The following MYLK4 variants were observed in gnomAD, a reference collection of about 807,000 sequenced individuals.
The protein encoded by MYLK4 is caMLCK like.
In MYLK4, 46 loss-of-function variants were observed where a neutral mutation model predicts 48.1. The ratio of observed to expected loss-of-function variants is 0.96; its 90% CI spans 0.75 to 1.22. The LOEUF (loss-of-function observed/expected upper bound fraction) is 1.22. MYLK4 is among the 50% of genes most tolerant of loss of function. The pLI is 0.00. For synonymous variants in MYLK4, 170 were observed against 180.8 expected (o/e 0.94, Z 0.48); for missense variants, 451 against 486.1 (o/e 0.93, Z 0.68).
the MYLK4 span, among the ~76,000 whole-genome samples, chr6:2,757,941 C>A: frequency 6.6e-6 from 1 of 152,224 alleles, no homozygotes; most frequent in East Asian, 1.9e-4. Context: ...AGTTCAAGCT[C>A]TACTAGCTGT....
intron 2 of MYLK4, among the ~76,000 whole-genome samples, chr6:2,702,183 T>G (rs1582068403): frequency 6.6e-6 from 1 of 152,196 alleles, no homozygotes; most frequent in Non-Finnish European, 1.5e-5. Flanking sequence ...AGGTATCATG[T>G]GCCTGGAACT....
In MYLK4 at chr6:2,679,311, T is replaced by C; in HGVS notation, c.856A>G (p.Met286Val). The C allele has an allele frequency of 1.2e-6, 2 of 1,614,104 alleles. No homozygotes were observed. Among genetic ancestry groups the C allele is most frequent in the Non-Finnish European group, 8.5e-7 (1 of 1,179,974 alleles). The change falls in exon 9 of 13, where the codon ATG becomes GTG. Residue 286 changes from methionine to valine, a missense_variant. Physicochemically the swap from Met to Val is conservative, Grantham distance 21. Coordinates refer to ENST00000274643, the MANE Select transcript of MYLK4 (RefSeq NM_001012418.5). ...NYDFVSFPTDMWSVGVIAYML... is the reference protein window; with the variant it reads ...NYDFVSFPTDVWSVGVIAYML... ...TAGGCGATGACCCCCACACTCCACATGTCAGTGGGAAATGAAACAAAATCA... is the reference window on the plus strand; with the variant it reads ...TAGGCGATGACCCCCACACTCCACACGTCAGTGGGAAATGAAACAAAATCA...
intron 12 of MYLK4, 25 bp downstream of exon 12, chr6:2,671,251 C>A (rs1012746985): frequency 1.3e-6 from 2 of 1,508,412 alleles, no homozygotes; most frequent in African/African-American, 2.7e-5. Flanking sequence ...TTCACAGACA[C>A]CTCTTCAGGA....
the MYLK4 span, among the ~76,000 whole-genome samples, chr6:2,766,816 T>C: frequency 6.7e-6 from 1 of 150,110 alleles, no homozygotes; most frequent in Non-Finnish European, 1.5e-5. Context: ...CATGTTTAAA[T>C]TGTAAAGAAA....
chr6:2,765,772 C>T, the MYLK4 span: 2 of 1,461,706 alleles, frequency 1.4e-6, no homozygotes, highest in Non-Finnish European at 9.0e-7. Context: ...ACGCGGAGCC[C>T]GCGGCCGGGT....
intron 8 of MYLK4, 27 bp downstream of exon 8, chr6:2,680,194 C>A (rs371292621): frequency 6.2e-7 from 1 of 1,612,670 alleles, no homozygotes; most frequent in Non-Finnish European, 8.5e-7. Context: ...CAGCTCCATT[C>A]GTACACCTAT....
chr6:2,741,216 C>G (rs1441208775), intron 2 of MYLK4, among the ~76,000 whole-genome samples: 1 of 151,742 alleles, frequency 6.6e-6, no homozygotes, highest in Non-Finnish European at 1.5e-5. Flanking sequence ...CTTTTATAAC[C>G]ATTATGTTTT....
chr6:2,678,070 T>G (rs1043758869), intron 10 of MYLK4, 150 bp downstream of exon 10: 1 of 935,514 alleles, frequency 1.1e-6, no homozygotes, highest in Non-Finnish European at 1.6e-6. Flanking sequence ...CTCAGTAGAC[T>G]GGGTCAAGAG....
At chr6:2,765,187 CCCCCCCG>C in the MYLK4 span, among the ~76,000 whole-genome samples, 7 of 103,256 alleles carry the variant, frequency 6.8e-5, no homozygotes, top group Middle Eastern at 9.1e-3. Context: ...TCGCAACCCC[CCCCCCCG>C]CCCCTCCCCC....
At chr6:2,753,746 A>G (rs1483494021), upstream of MYLK4, among the ~76,000 whole-genome samples, 1 of 152,206 alleles carries the variant, frequency 6.6e-6, no homozygotes, top group African/African-American at 2.4e-5. Context: ...AAGAAGATAT[A>G]AAAATGGTTA....
intron 2 of MYLK4, among the ~76,000 whole-genome samples, chr6:2,707,869 T>A (rs1427746443): frequency 3.3e-5 from 5 of 152,186 alleles, no homozygotes; most frequent in Non-Finnish European, 7.4e-5. Context: ...ATTAAGTAAC[T>A]AAGACTAGTT....
At chr6:2,734,509 T>A (rs1031769724) in intron 2 of MYLK4, among the ~76,000 whole-genome samples, 1 of 152,188 alleles carries the variant, frequency 6.6e-6, no homozygotes, top group Admixed American at 6.5e-5. Flanking sequence ...AAAGGACTAT[T>A]ATTAGAAATA....
In MYLK4 at chr6:2,672,860, C is replaced by A. The variant is rs1202785882; in HGVS notation, c.1120-1512G>T. Reference sequence around the variant, plus strand: ...TCAGCCCTGTCCTGAGTGTTCTCAGCTACAGACACTAATGTGCCCATTTTG... The same window carrying A: ...TCAGCCCTGTCCTGAGTGTTCTCAGATACAGACACTAATGTGCCCATTTTG... On this transcript the variant is annotated intron_variant, in intron 11 of 12. Transcript: ENST00000274643. This position sits in a 1 kb window ranked among gnomAD's most constrained non-coding sequence, Gnocchi z 4.3. Among the ~76,000 whole-genome samples the A allele has an allele frequency of 6.6e-6, 1 of 152,192 alleles. No homozygotes were observed. Among genetic ancestry groups the A allele is most frequent in the African/African-American group, 2.4e-5 (1 of 41,424 alleles).
intron 2 of MYLK4, among the ~76,000 whole-genome samples, chr6:2,720,896 C>T (rs897585596): frequency 1.3e-5 from 2 of 152,136 alleles, no homozygotes; most frequent in African/African-American, 4.8e-5. Context: ...GGCGTGGTGG[C>T]TCACACCTAT....
chr6:2,753,603 G>A (rs1764349968), upstream of MYLK4, among the ~76,000 whole-genome samples: 1 of 152,124 alleles, frequency 6.6e-6, no homozygotes, highest in Non-Finnish European at 1.5e-5. Context: ...GAAAAGACCA[G>A]CTACAGATGT....
intron 2 of MYLK4, among the ~76,000 whole-genome samples, chr6:2,747,559 C>T (rs1037136206): frequency 1.3e-5 from 2 of 152,060 alleles, no homozygotes; most frequent in Non-Finnish European, 2.9e-5. Flanking sequence ...CTCACCATGT[C>T]ACCTGGGCTG....
the MYLK4 span, chr6:2,765,393 A>G: frequency 2.6e-6 from 1 of 383,250 alleles, no homozygotes; most frequent in Non-Finnish European, 4.2e-6. Flanking sequence ...GCCACGAACT[A>G]CACTTCCCGA....
At chr6:2,682,550 C>T (rs1761350922) in intron 7 of MYLK4, among the ~76,000 whole-genome samples, 1 of 152,234 alleles carries the variant, frequency 6.6e-6, no homozygotes, top group African/African-American at 2.4e-5. Context: ...GATTCTATTC[C>T]ACAGGGCAGC....
chr6:2,723,507 G>A (rs951294481), intron 2 of MYLK4, among the ~76,000 whole-genome samples: 2 of 152,218 alleles, frequency 1.3e-5, no homozygotes, highest in African/African-American at 2.4e-5. Flanking sequence ...AACTGCTGAC[G>A]TCCCTCACAC....
Sources: allele counts gnomAD v4.1 joint callset (sites outside exome capture counted in the v4.1 genomes callset), GRCh38; gene constraint gnomAD v4.1.1; non-coding constraint Gnocchi (gnomAD v3.1); transcripts MANE v1.5; gene names NCBI Gene and HGNC (gene_info 2026-07-23, HGNC 2026-07-21).